SLC35D4: variants seen among roughly 807,000 people sequenced by gnomAD.
SLC35D4 encodes the protein solute carrier family 35 member D4, also known as UDP-N-acetylglucosamine transporter SLC35D4.
At chr18:23,247,780 A>G in the SLC35D4 span, among the ~76,000 whole-genome samples, 1 of 152,218 alleles carries the variant, frequency 6.6e-6, no homozygotes, top group Non-Finnish European at 1.5e-5. Context: ...CACAGCAGAC[A>G]GGAGGCCAGG....
the SLC35D4 span, among the ~76,000 whole-genome samples, chr18:23,271,589 G>T: frequency 6.6e-6 from 1 of 152,056 alleles, no homozygotes; most frequent in East Asian, 1.9e-4. Flanking sequence ...GCCTGTTGGT[G>T]TTCACAACAA....
the SLC35D4 span, among the ~76,000 whole-genome samples, chr18:23,287,131 C>T: frequency 6.6e-6 from 1 of 152,124 alleles, no homozygotes; most frequent in Non-Finnish European, 1.5e-5. Context: ...ATAAACTCTC[C>T]TTACAATTCC....
At chr18:23,368,151 T>G in the SLC35D4 span, among the ~76,000 whole-genome samples, 1 of 152,308 alleles carries the variant, frequency 6.6e-6, no homozygotes, top group South Asian at 2.1e-4. Flanking sequence ...TCCCTGGTGC[T>G]GCATGTCAGA....
the SLC35D4 span, among the ~76,000 whole-genome samples, chr18:23,278,015 G>A: frequency 6.6e-6 from 1 of 152,222 alleles, no homozygotes; most frequent in African/African-American, 2.4e-5. Flanking sequence ...ATTGGCCAAA[G>A]CAAGTCAGGA....
At chr18:23,415,699 T>TG in the SLC35D4 span, among the ~76,000 whole-genome samples, 1 of 152,264 alleles carries the variant, frequency 6.6e-6, no homozygotes, top group South Asian at 2.1e-4. Flanking sequence ...TGTTCTGCAA[T>TG]GGCTTGGCAA....
At chr18:23,431,284 C>T in the SLC35D4 span, among the ~76,000 whole-genome samples, 3 of 151,238 alleles carry the variant, frequency 2.0e-5, no homozygotes, top group Admixed American at 1.3e-4. Flanking sequence ...CATGAGCAAA[C>T]ATGGAAGCAC....
At chr18:23,313,703 G>A in the SLC35D4 span, among the ~76,000 whole-genome samples, 1 of 152,160 alleles carries the variant, frequency 6.6e-6, no homozygotes, top group Admixed American at 6.5e-5. Context: ...ACCTGGTGGT[G>A]GGACCTAGAG....
the SLC35D4 span, chr18:23,309,827 TC>T: frequency 7.4e-7 from 1 of 1,354,138 alleles, no homozygotes; most frequent in Non-Finnish European, 1.1e-6. Flanking sequence ...CAAGCTTAGC[TC>T]ACTTGAGTTC....
chr18:23,364,093 C>T, the SLC35D4 span, among the ~76,000 whole-genome samples: 1 of 152,192 alleles, frequency 6.6e-6, no homozygotes, highest in Admixed American at 6.5e-5. Flanking sequence ...CCTGAGGATC[C>T]TCACTCAGAT....
the SLC35D4 span, among the ~76,000 whole-genome samples, chr18:23,298,507 T>G: frequency 3.9e-5 from 6 of 152,220 alleles, no homozygotes; most frequent in African/African-American, 1.4e-4. Context: ...TCATTTCATT[T>G]AAACTACAGA....
At chr18:23,367,761 C>CTT in the SLC35D4 span, among the ~76,000 whole-genome samples, 33 of 146,108 alleles carry the variant, frequency 2.3e-4, no homozygotes, top group East Asian at 1.0e-3. Context: ...GCCCTGGATA[C>CTT]TTTTTTTTTT....
the SLC35D4 span, among the ~76,000 whole-genome samples, chr18:23,350,372 C>G: frequency 6.6e-6 from 1 of 152,156 alleles, no homozygotes; most frequent in Non-Finnish European, 1.5e-5. Flanking sequence ...AAGGCTTCTC[C>G]CTGCTCCTGA....
chr18:23,343,985 A>G, the SLC35D4 span, among the ~76,000 whole-genome samples: 1 of 146,832 alleles, frequency 6.8e-6, no homozygotes, highest in African/African-American at 2.5e-5. Context: ...TGAAACCTCC[A>G]CCTCCCAGGT....
chr18:23,275,068 TTG>T, the SLC35D4 span, among the ~76,000 whole-genome samples: 2,562 of 128,494 alleles, frequency 0.02, 30 homozygotes, highest in South Asian at 0.032. Context: ...GTAGGTGTGC[TTG>T]TGTGTGTGTG....
chr18:23,330,627 G>A, the SLC35D4 span, among the ~76,000 whole-genome samples: 28 of 152,150 alleles, frequency 1.8e-4, no homozygotes, highest in African/African-American at 6.5e-4. Flanking sequence ...CTCTCCGGAT[G>A]GTTGGGCTGC....
chr18:23,345,723 A>T, the SLC35D4 span, among the ~76,000 whole-genome samples: 23 of 151,956 alleles, frequency 1.5e-4, no homozygotes, highest in Non-Finnish European at 3.2e-4. Context: ...TTTCTACCAA[A>T]AAAAAAAGCC....
At chr18:23,368,819 T>C in the SLC35D4 span, 4 of 1,020,500 alleles carry the variant, frequency 3.9e-6, no homozygotes, top group Middle Eastern at 4.9e-4. Context: ...AAAATAATCA[T>C]TGTCTTCTAC....
chr18:23,422,630 T>C, the SLC35D4 span, among the ~76,000 whole-genome samples: 1 of 152,110 alleles, frequency 6.6e-6, no homozygotes, highest in Non-Finnish European at 1.5e-5. Context: ...AAAGCGTTTG[T>C]CCTAAAATGC....
the SLC35D4 span, among the ~76,000 whole-genome samples, chr18:23,344,071 G>A: frequency 2.6e-5 from 4 of 151,642 alleles, no homozygotes; most frequent in South Asian, 2.1e-4. Flanking sequence ...GCTAATTTTT[G>A]TATTTTCACC....
Sources: gnomAD v4.1 joint callset for allele counts (sites outside exome capture counted in the v4.1 genomes callset) on GRCh38, gnomAD v4.1.1 for gene constraint, MANE v1.5 for transcripts, NCBI Gene and HGNC (gene_info 2026-07-23, HGNC 2026-07-21) for gene names.